ALKAL1: variants seen among roughly 807,000 people sequenced by gnomAD.
The protein encoded by ALKAL1 is ALK and LTK ligand 1, also known as AUG-beta.
A neutral mutation model predicts 13.5 loss-of-function variants in ALKAL1; 23 were observed. The observed-to-expected ratio is 1.70, with a 90% CI of 1.23 to 2.41. The LOEUF (loss-of-function observed/expected upper bound fraction) is 2.41, where lower values mean the gene tolerates loss of function less well. Ranked by LOEUF, ALKAL1 falls within the 30% of genes most tolerant of loss-of-function variation. The pLI, the probability that ALKAL1 is intolerant of heterozygous loss-of-function variation, is 0.00. For missense variants in ALKAL1, 181 were observed against 178.4 expected (o/e 1.01, Z -0.08); for synonymous variants, 85 against 77.7 (o/e 1.09, Z -0.49).
intron 2 of ALKAL1, 86 bp downstream of exon 2, chr8:52,542,305 AT>A (rs1847322146): frequency 1.1e-6 from 1 of 889,286 alleles, no homozygotes; most frequent in Non-Finnish European, 1.8e-6. Flanking sequence ...ACAGACATTT[AT>A]TTTCATATCC....
chr8:52,539,878 TG>T lies in ALKAL1; in HGVS notation c.277del (p.His93IlefsTer25). 6.2e-7 allele frequency: 1 copy of T among 1,612,946 alleles called. No homozygotes were observed. On this transcript the variant is annotated frameshift_variant, in exon 3 of 5. Transcript: ENST00000358543. LOFTEE classifies it high-confidence loss of function. Reference sequence around the variant, plus strand: ...GGTATTGTAATAGAGTCGGTGGAAATGTTTGCTGCATTCTGGTGAAAATGTG... The same window carrying T: ...GGTATTGTAATAGAGTCGGTGGAAATTTTGCTGCATTCTGGTGAAAATGTG... Reference protein sequence around the residue: ...PVTFSPECSKHFHRLYYNTRE... With the variant: ...PVTFSPECSKXFHRLYYNTRE...
chr8:52,557,905 G>A (rs567761755), intron 1 of ALKAL1, among the ~76,000 whole-genome samples: 2 of 150,248 alleles, frequency 1.3e-5, no homozygotes, highest in African/African-American at 2.5e-5. Flanking sequence ...GGTCGAGGCT[G>A]CAGTGAGCTG....
intron 3 of ALKAL1, 25 bp from the exon 4 acceptor site, chr8:52,538,532 TTATA>T: frequency 6.8e-7 from 1 of 1,464,780 alleles, no homozygotes; most frequent in Non-Finnish European, 9.5e-7. Context: ...TAAAGGTAAA[TTATA>T]TATAGAGTTA....
At chr8:52,543,680 C>T (rs908239003) in intron 1 of ALKAL1, among the ~76,000 whole-genome samples, 19 of 152,266 alleles carry the variant, frequency 1.2e-4, no homozygotes, top group Admixed American at 1.2e-3. Flanking sequence ...TTCAATAATG[C>T]TCCAGCCCGA....
intron 1 of ALKAL1, among the ~76,000 whole-genome samples, chr8:52,561,853 A>G (rs1215831929): frequency 6.6e-6 from 1 of 152,186 alleles, no homozygotes; most frequent in Non-Finnish European, 1.5e-5. Flanking sequence ...TAAGGTAAAC[A>G]TTTACTGAAA....
At chr8:52,545,152 A>T (rs969485100) in intron 1 of ALKAL1, among the ~76,000 whole-genome samples, 1 of 152,226 alleles carries the variant, frequency 6.6e-6, no homozygotes, top group African/African-American at 2.4e-5. Flanking sequence ...CAGGACCCCA[A>T]AATCACTAAG....
Position 52,554,124 on chromosome 8 carries a change from T to C in ALKAL1, c.190+10943A>G, listed in dbSNP as rs1847456804. 1.3e-5 allele frequency among the ~76,000 whole-genome samples: 2 copies of C among 152,070 alleles called. 1 individual carries two copies. Among genetic ancestry groups the C allele is most frequent in the Admixed American group, 1.3e-4 (2 of 15,256 alleles). ...CTGTAATCCCAGCTACTCGGGAGGC[T>C]GAGGCAGGGGAATCGCTTGAATCCG... On this transcript the variant is annotated intron_variant, in intron 1 of 4. Coordinates refer to ENST00000358543, the MANE Select transcript of ALKAL1 (RefSeq NM_207413.4).
chr8:52,534,749 T>C (rs1327913098), intron 4 of ALKAL1, 149 bp from the exon 5 acceptor site: 7 of 414,272 alleles, frequency 1.7e-5, no homozygotes, highest in Non-Finnish European at 2.1e-5. Flanking sequence ...CTAATGTGTG[T>C]GCAGAGGGGC....
intron 1 of ALKAL1, among the ~76,000 whole-genome samples, chr8:52,545,496 C>G (rs1023512833): frequency 3.3e-5 from 5 of 151,792 alleles, no homozygotes; most frequent in African/African-American, 1.2e-4. Context: ...GAACCCCCCC[C>G]ACACCCACCT....
In ALKAL1 at chr8:52,534,390, G is replaced by A. The variant is rs891710706; in HGVS notation, c.*223C>T. ...ATTTTCAATATGCGATTCAAACTCT[G>A]TTTTACAAAATTATAAATTACTGTA... On this transcript the variant is annotated 3_prime_UTR_variant, in exon 5 of 5. Coordinates refer to ENST00000358543, the MANE Select transcript of ALKAL1 (RefSeq NM_207413.4). 1 of 374,128 alleles carries A rather than the reference G, an allele frequency of 2.7e-6. No individual in the cohort carries two copies. The allele number at this position is 374,128 out of a possible 1,614,324, so 23.2% of individuals were successfully genotyped here.
At chr8:52,559,696 T>C (rs1847520511) in intron 1 of ALKAL1, among the ~76,000 whole-genome samples, 1 of 152,196 alleles carries the variant, frequency 6.6e-6, no homozygotes, top group Admixed American at 6.5e-5. Flanking sequence ...ACTACTGCTC[T>C]AGAAGGTATT....
intron 3 of ALKAL1, among the ~76,000 whole-genome samples, chr8:52,539,432 T>C (rs1003176366): frequency 6.6e-6 from 1 of 152,242 alleles, no homozygotes; most frequent in Non-Finnish European, 1.5e-5. Flanking sequence ...ATATAAATGA[T>C]GTGCTATAAA....
intron 1 of ALKAL1, 49 bp downstream of exon 1, chr8:52,565,018 G>C (rs1847585243): frequency 2.3e-6 from 3 of 1,304,492 alleles, no homozygotes; most frequent in East Asian, 3.1e-5. Flanking sequence ...GGGAATCCAC[G>C]GAGCCCCAGG....
At chr8:52,554,849 A>G (rs1387657233) in intron 1 of ALKAL1, among the ~76,000 whole-genome samples, 2 of 152,218 alleles carry the variant, frequency 1.3e-5, no homozygotes, top group Non-Finnish European at 2.9e-5. Flanking sequence ...GGTCAACTGC[A>G]GCAAAGTATC....
At chr8:52,557,417 G>A (rs970747417) in intron 1 of ALKAL1, among the ~76,000 whole-genome samples, 2 of 152,220 alleles carry the variant, frequency 1.3e-5, no homozygotes, top group African/African-American at 4.8e-5. Flanking sequence ...AGTGCTTTCT[G>A]TCTCATGGAA....
chr8:52,551,416 TC>T (rs1362198149), intron 1 of ALKAL1, among the ~76,000 whole-genome samples: 1 of 151,630 alleles, frequency 6.6e-6, no homozygotes, highest in Non-Finnish European at 1.5e-5. Flanking sequence ...TGCCTCAGCC[TC>T]CCAAGTAGCT....
At chr8:52,539,044 G>A (rs1010680663) in intron 3 of ALKAL1, among the ~76,000 whole-genome samples, 1 of 151,958 alleles carries the variant, frequency 6.6e-6, no homozygotes, top group Non-Finnish European at 1.5e-5. Flanking sequence ...CGCTTGCCTC[G>A]GCCTCCCAAA....
Position 52,534,068 on chromosome 8 carries a change from CAA to C in ALKAL1, c.*543_*544del, listed in dbSNP as rs1196023329. The C allele has an allele frequency of 2.0e-5, 3 of 152,082 alleles. No individual in the cohort carries two copies. The highest frequency in any genetic ancestry group is 2.9e-5 in the Non-Finnish European group (2 of 68,032). The allele number at this position is 152,082 out of a possible 1,614,324, so 9.4% of individuals were successfully genotyped here. A position where few individuals can be genotyped will look rare whatever the true frequency, so the allele number is the denominator to read the frequency against. On this transcript the variant is annotated 3_prime_UTR_variant, in exon 5 of 5. Coordinates refer to ENST00000358543, the MANE Select transcript of ALKAL1 (RefSeq NM_207413.4). ...ACAAACATCTTTAATTCAAAGGAAA[CAA>C]CACATTTTTTCATATTTCAACTTTA...
At chr8:52,559,298 A>T (rs1376644188) in intron 1 of ALKAL1, among the ~76,000 whole-genome samples, 1 of 152,118 alleles carries the variant, frequency 6.6e-6, no homozygotes, top group Non-Finnish European at 1.5e-5. Context: ...CTTTTTTCAC[A>T]GGTTATCTTT....
Sources: allele counts gnomAD v4.1 joint callset (sites outside exome capture counted in the v4.1 genomes callset), GRCh38; gene constraint gnomAD v4.1.1; transcripts MANE v1.5; gene names NCBI Gene and HGNC (gene_info 2026-07-23, HGNC 2026-07-21).